Variants in DENND5B observed in about 807,000 individuals in gnomAD.
The protein encoded by DENND5B is DENN domain containing 5B, also known as DENN domain-containing protein 5B.
Under a neutral mutation model 140.6 loss-of-function variants are expected in DENND5B, and 34 were observed. The ratio of observed to expected loss-of-function variants is 0.24; its 90% CI spans 0.18 to 0.32. The LOEUF (loss-of-function observed/expected upper bound fraction) is 0.32. Ranked by LOEUF, DENND5B falls within the 10% of genes least tolerant of loss-of-function variation. DENND5B has a pLI of 1.00. For synonymous variants in DENND5B, 551 were observed against 562.1 expected, an observed-to-expected ratio of 0.98 and a Z score of 0.28; for missense variants, 1,142 against 1,560.2, an observed-to-expected ratio of 0.73 and a Z score of 4.52.
chr12:31,511,719 T>C (rs1023688999), intron 1 of DENND5B, among the ~76,000 whole-genome samples: 1 of 151,992 alleles, frequency 6.6e-6, no homozygotes, highest in Admixed American at 6.6e-5. Flanking sequence ...ACCTACTTAA[T>C]ATTGTGCCTG....
chr12:31,570,528 C>G (rs1316239287), intron 1 of DENND5B, among the ~76,000 whole-genome samples: 1 of 150,898 alleles, frequency 6.6e-6, no homozygotes, highest in African/African-American at 2.4e-5. Flanking sequence ...CCACCCGCCT[C>G]GGCCTCCCAA....
chr12:31,571,720 C>T (rs1374272276), intron 1 of DENND5B, among the ~76,000 whole-genome samples: 4 of 152,216 alleles, frequency 2.6e-5, no homozygotes, highest in Admixed American at 6.5e-5. Flanking sequence ...CGGGCTCAAG[C>T]GATTCTCCTG....
chr12:31,525,589 T>C (rs1214322461), intron 1 of DENND5B, among the ~76,000 whole-genome samples: 1 of 152,218 alleles, frequency 6.6e-6, no homozygotes, highest in Non-Finnish European at 1.5e-5. Flanking sequence ...ACATTTATTG[T>C]GGAATGGTTG....
intron 3 of DENND5B, among the ~76,000 whole-genome samples, chr12:31,463,290 CCAACAA>C (rs72514170): frequency 2.3e-4 from 35 of 151,294 alleles, no homozygotes; most frequent in Non-Finnish European, 4.3e-4. Context: ...AACAAAAAAC[CCAACAA>C]CAACAACAAA....
chr12:31,451,831 C>G (rs1944539468), intron 5 of DENND5B, 109 bp downstream of exon 5: 1 of 1,321,286 alleles, frequency 7.6e-7, no homozygotes, highest in African/African-American at 1.5e-5. Flanking sequence ...TTAACAAAAT[C>G]AATAATATAT....
intron 13 of DENND5B, among the ~76,000 whole-genome samples, chr12:31,410,035 T>C (rs957214776): frequency 6.6e-6 from 1 of 152,222 alleles, no homozygotes; most frequent in African/African-American, 2.4e-5. Flanking sequence ...AAAATGGATA[T>C]ATAAACAGTT....
intron 1 of DENND5B, among the ~76,000 whole-genome samples, chr12:31,523,060 C>CT (rs35765933): frequency 0.15 from 20,390 of 139,340 alleles, 1,555 homozygotes; most frequent in East Asian, 0.25. Context: ...TTTTTTTTTC[C>CT]TTTTTTTTTT....
In DENND5B at chr12:31,526,214, G is replaced by A. The variant is rs185149440; in HGVS notation, c.128-30295C>T. The stretch of plus-strand genomic sequence containing the variant: ...CATCCCCCTTCACAAGGAGGAATTC[G>A]ATACAGTTCATTACACAGGGTAGGT... On this transcript the variant is annotated intron_variant, in intron 1 of 20. Transcript: ENST00000389082. Among the ~76,000 whole-genome samples, 42 of 152,080 alleles carry A rather than the reference G, an allele frequency of 2.8e-4. No individual in the cohort carries two copies. The East Asian group carries it at 7.3e-3, about 27-fold the overall frequency.
chr12:31,448,441 T>A (rs1195982286), intron 5 of DENND5B, among the ~76,000 whole-genome samples: 1 of 152,232 alleles, frequency 6.6e-6, no homozygotes, highest in Non-Finnish European at 1.5e-5. Context: ...AGCTACAAGT[T>A]GTAATTCCTT....
intron 1 of DENND5B, among the ~76,000 whole-genome samples, chr12:31,582,940 CTTA>C (rs763873198): frequency 5.8e-4 from 89 of 152,278 alleles, no homozygotes; most frequent in Non-Finnish European, 1.2e-3. Flanking sequence ...AGGCTTCTTA[CTTA>C]TTATAGGAAC....
At chr12:31,401,270 G>T (rs1229960984) in intron 15 of DENND5B, among the ~76,000 whole-genome samples, 1 of 152,220 alleles carries the variant, frequency 6.6e-6, no homozygotes, top group African/African-American at 2.4e-5. Context: ...AGGTAGACAT[G>T]AGAGAGACAG....
At chr12:31,517,647 T>A (rs1947714443) in intron 1 of DENND5B, among the ~76,000 whole-genome samples, 1 of 152,226 alleles carries the variant, frequency 6.6e-6, no homozygotes, top group African/African-American at 2.4e-5. Context: ...GGAACAATGT[T>A]ATAAGATGAT....
rs946326968 is a variant in DENND5B, at chr12:31,583,586, G to A, written c.127+7120C>T. On this transcript the variant is annotated intron_variant, in intron 1 of 20. Transcript: ENST00000389082. ...CCAGCTACTTGGGAGGCTGAGGCAC[G>A]AGAATCACTTAAACCTGGGAGGCAG... Among the ~76,000 whole-genome samples, 7 of 152,058 alleles carry A rather than the reference G, an allele frequency of 4.6e-5. No individual in the cohort carries two copies. In the East Asian group the frequency reaches 5.8e-4, roughly 13 times the overall value.
At chr12:31,486,739 C>T (rs1045629838) in intron 2 of DENND5B, among the ~76,000 whole-genome samples, 6 of 152,220 alleles carry the variant, frequency 3.9e-5, no homozygotes, top group Non-Finnish European at 5.9e-5. Flanking sequence ...TCCTTACTTC[C>T]CTTAAGTCTC....
At chr12:31,517,873 T>C (rs1947723208) in intron 1 of DENND5B, among the ~76,000 whole-genome samples, 1 of 152,202 alleles carries the variant, frequency 6.6e-6, no homozygotes, top group African/African-American at 2.4e-5. Context: ...ATGAAGTTTA[T>C]CCTTTACTGT....
At chr12:31,494,220 C>A (rs1378610566) in intron 2 of DENND5B, among the ~76,000 whole-genome samples, 1 of 36,794 alleles carries the variant, frequency 2.7e-5, no homozygotes. Context: ...ACCTACCTAC[C>A]TCTACCTACC....
intron 2 of DENND5B, among the ~76,000 whole-genome samples, chr12:31,494,773 C>A (rs1055596335): frequency 9.9e-5 from 15 of 152,222 alleles, no homozygotes; most frequent in African/African-American, 1.4e-4. Flanking sequence ...TGATCGTGGG[C>A]CATTACTTCA....
At chr12:31,564,912 T>G (rs181779425) in intron 1 of DENND5B, among the ~76,000 whole-genome samples, 1 of 152,110 alleles carries the variant, frequency 6.6e-6, no homozygotes. Flanking sequence ...ATTCTAAAGA[T>G]AGCAGATTGT....
chr12:31,512,043 A>G (rs1413225108), intron 1 of DENND5B, among the ~76,000 whole-genome samples: 1 of 146,582 alleles, frequency 6.8e-6, no homozygotes, highest in Non-Finnish European at 1.5e-5. Flanking sequence ...CAGCCTCCTG[A>G]GTAGCTGGGA....
Sources: allele counts gnomAD v4.1 joint callset (sites outside exome capture counted in the v4.1 genomes callset), GRCh38; gene constraint gnomAD v4.1.1; transcripts MANE v1.5; gene names NCBI Gene and HGNC (gene_info 2026-07-23, HGNC 2026-07-21).